The following NXPH2 variants were observed in gnomAD, a reference collection of about 807,000 sequenced individuals.
NXPH2 encodes the protein neurexophilin 2.
NXPH2 carries 5 observed loss-of-function variants against 19.8 expected under a neutral mutation model. The observed-to-expected ratio is 0.25, with a 90% CI of 0.13 to 0.53. The LOEUF is 0.53. Ranked by LOEUF, NXPH2 falls within the 20% of genes least tolerant of loss-of-function variation. The pLI, the probability that NXPH2 is intolerant of heterozygous loss-of-function variation, is 0.96. For missense variants in NXPH2, 289 were observed against 322.8 expected (o/e 0.90, Z 0.80); for synonymous variants, 154 against 127.4 (o/e 1.21, Z -1.41).
At chr2:138,720,783 C>CA (rs1164543151) in intron 1 of NXPH2, among the ~76,000 whole-genome samples, 6 of 152,148 alleles carry the variant, frequency 3.9e-5, no homozygotes, top group Admixed American at 3.3e-4. Flanking sequence ...GCTTCAGTTC[C>CA]TTTATCTGTA....
chr2:138,757,840 TC>T (rs1392804899), intron 1 of NXPH2, among the ~76,000 whole-genome samples: 1 of 136,144 alleles, frequency 7.3e-6, no homozygotes, highest in Non-Finnish European at 1.7e-5. Flanking sequence ...TATCTATCTA[TC>T]TATCTATCTA....
chr2:138,744,578 T>A (rs1198608557), intron 1 of NXPH2, among the ~76,000 whole-genome samples: 2 of 152,206 alleles, frequency 1.3e-5, no homozygotes, highest in African/African-American at 4.8e-5. Flanking sequence ...CAGTTACTGA[T>A]GCGTTTAATC....
intron 1 of NXPH2, among the ~76,000 whole-genome samples, chr2:138,773,222 C>G (rs1682205075): frequency 6.6e-6 from 1 of 152,180 alleles, no homozygotes; most frequent in Admixed American, 6.5e-5. Flanking sequence ...GAGATACAAG[C>G]TGGAGAGTCA....
chr2:138,744,524 T>C (rs752022392), intron 1 of NXPH2, among the ~76,000 whole-genome samples: 4 of 152,176 alleles, frequency 2.6e-5, no homozygotes, highest in Admixed American at 6.6e-5. Context: ...ATCAGATCAA[T>C]GTTTTGACAC....
chr2:138,698,845 T>C lies in NXPH2; in HGVS notation c.52-27180A>G, dbSNP rs141831719. On this transcript the variant is annotated intron_variant, in intron 1 of 1. Coordinates refer to ENST00000272641, the MANE Select transcript of NXPH2 (RefSeq NM_007226.3). ...CTCCAGCCTGGGAGACAAAGAGAGA[T>C]TGCATCTCTAAAGTAAATAAAGAAA... Among the ~76,000 whole-genome samples the C allele has an allele frequency of 1.5e-3, 232 of 152,122 alleles. 2 individuals are homozygous for C. Among genetic ancestry groups the C allele is most frequent in the African/African-American group, 5.2e-3 (214 of 41,516 alleles).
At chr2:138,697,569 T>C (rs1231488453) in intron 1 of NXPH2, among the ~76,000 whole-genome samples, 1 of 151,986 alleles carries the variant, frequency 6.6e-6, no homozygotes, top group African/African-American at 2.4e-5. Context: ...AAATAGTTTA[T>C]ATACAGATTT....
intron 1 of NXPH2, among the ~76,000 whole-genome samples, chr2:138,680,270 A>G (rs1680553236): frequency 6.6e-6 from 1 of 152,236 alleles, no homozygotes; most frequent in African/African-American, 2.4e-5. Flanking sequence ...GTTGCACTTC[A>G]AAGAGATGAA....
At chr2:138,754,158 T>G (rs1418340849) in intron 1 of NXPH2, among the ~76,000 whole-genome samples, 1 of 152,182 alleles carries the variant, frequency 6.6e-6, no homozygotes, top group African/African-American at 2.4e-5. Flanking sequence ...ATATTTTGTA[T>G]TTCATCCTGA....
At chr2:138,762,532 T>C (rs954679300) in intron 1 of NXPH2, among the ~76,000 whole-genome samples, 31 of 152,202 alleles carry the variant, frequency 2.0e-4, no homozygotes, top group African/African-American at 7.2e-4. Flanking sequence ...CTTAATGACT[T>C]GGTCACATGC....
chr2:138,698,310 T>TAAA lies in NXPH2; in HGVS notation c.52-26648_52-26646dup, dbSNP rs989101371. On this transcript the variant is annotated intron_variant, in intron 1 of 1. Transcript: ENST00000272641. ...GTTAAAATAGTTACGAAATTGTATA[T>TAAA]AAAGTACTATTTCAAGTATACTGTA... is the stretch of plus-strand genomic sequence containing the variant. Among the ~76,000 whole-genome samples the TAAA allele has an allele frequency of 1.6e-4, 24 of 152,300 alleles. No individual in the cohort carries two copies. In the East Asian group the frequency reaches 4.2e-3, roughly 27 times the overall value.
chr2:138,677,390 G>A (rs1680500404), intron 1 of NXPH2, among the ~76,000 whole-genome samples: 2 of 152,142 alleles, frequency 1.3e-5, no homozygotes, highest in Non-Finnish European at 2.9e-5. Flanking sequence ...TGTCTTGGCA[G>A]GGTGTATCAA....
At chr2:138,754,249 TA>T (rs568051788) in intron 1 of NXPH2, among the ~76,000 whole-genome samples, 4 of 152,184 alleles carry the variant, frequency 2.6e-5, no homozygotes, top group Admixed American at 6.5e-5. Flanking sequence ...GTATGGACTT[TA>T]ACAAATGCAT....
At chr2:138,708,995 T>C (rs981178984) in intron 1 of NXPH2, among the ~76,000 whole-genome samples, 6 of 152,250 alleles carry the variant, frequency 3.9e-5, no homozygotes, top group Non-Finnish European at 8.8e-5. Context: ...AAAAGCTGTG[T>C]TCTTTGGCAT....
intron 1 of NXPH2, among the ~76,000 whole-genome samples, chr2:138,702,417 G>A (rs898623936): frequency 6.6e-6 from 1 of 152,134 alleles, no homozygotes; most frequent in African/African-American, 2.4e-5. Context: ...AAAGCATCTG[G>A]CCTGTTTCTT....
chr2:138,729,247 T>TG (rs1234667639), intron 1 of NXPH2, among the ~76,000 whole-genome samples: 1 of 152,172 alleles, frequency 6.6e-6, no homozygotes, highest in Non-Finnish European at 1.5e-5. Context: ...AATTGAATCA[T>TG]GGGGGTGGTT....
chr2:138,703,418 G>C (rs1558917542), intron 1 of NXPH2, among the ~76,000 whole-genome samples: 1 of 152,160 alleles, frequency 6.6e-6, no homozygotes, highest in Non-Finnish European at 1.5e-5. Context: ...GCTGTACAAG[G>C]ATTAAAATAA....
chr2:138,671,738 C>A (rs908156170), intron 1 of NXPH2, 73 bp from the exon 2 acceptor site: 20 of 1,417,618 alleles, frequency 1.4e-5, no homozygotes, highest in African/African-American at 2.9e-5. Flanking sequence ...GAAGTCAAAG[C>A]GCAAGGGAAA....
chr2:138,695,340 T>C (rs1680814730), intron 1 of NXPH2, among the ~76,000 whole-genome samples: 1 of 152,192 alleles, frequency 6.6e-6, no homozygotes, highest in Non-Finnish European at 1.5e-5. Flanking sequence ...TTAACATATG[T>C]AGGAATAGCC....
chr2:138,745,705 T>C (rs1451561691), intron 1 of NXPH2, among the ~76,000 whole-genome samples: 1 of 152,008 alleles, frequency 6.6e-6, no homozygotes, highest in Non-Finnish European at 1.5e-5. Flanking sequence ...AATGGAAAAA[T>C]CTTGGAAACA....
Sources: allele counts gnomAD v4.1 joint callset (sites outside exome capture counted in the v4.1 genomes callset), GRCh38; gene constraint gnomAD v4.1.1; transcripts MANE v1.5; gene names NCBI Gene and HGNC (gene_info 2026-07-23, HGNC 2026-07-21).